NUSAP1: variants seen among roughly 807,000 people sequenced by gnomAD.
NUSAP1 encodes nucleolar and spindle-associated protein 1.
NUSAP1 carries 32 observed loss-of-function variants against 52.8 expected under a neutral mutation model. That is an observed-to-expected ratio of 0.61 (90% CI 0.46 to 0.81). The LOEUF (loss-of-function observed/expected upper bound fraction) is 0.81. Among genes scored for constraint, NUSAP1 ranks in the 40% least tolerant of loss-of-function variants. The pLI is 0.00. For missense variants in NUSAP1, 499 were observed against 522.3 expected, an observed-to-expected ratio of 0.96 and a Z score of 0.43; for synonymous variants, 195 against 183.1, an observed-to-expected ratio of 1.06 and a Z score of -0.52.
At chr15:41,373,700 G>A (rs552706465) in intron 8 of NUSAP1, among the ~76,000 whole-genome samples, 65 of 151,846 alleles carry the variant, frequency 4.3e-4, no homozygotes, top group African/African-American at 1.5e-3. Context: ...CGCTCACCTC[G>A]GCCTGCCAAA....
chr15:41,375,136 G>T (rs1032116367), intron 8 of NUSAP1, among the ~76,000 whole-genome samples: 2 of 149,546 alleles, frequency 1.3e-5, no homozygotes, highest in African/African-American at 4.9e-5. Context: ...CAGCCTACTC[G>T]GCATGGGACT....
At chr15:41,373,551 G>A (rs911829536) in intron 8 of NUSAP1, among the ~76,000 whole-genome samples, 13 of 145,528 alleles carry the variant, frequency 8.9e-5, no homozygotes, top group Non-Finnish European at 7.5e-5. Context: ...CTGGGTTCAC[G>A]CCATTCTCCT....
At chr15:41,360,840 G>A (rs574647622) in intron 6 of NUSAP1, among the ~76,000 whole-genome samples, 4 of 148,040 alleles carry the variant, frequency 2.7e-5, no homozygotes, top group African/African-American at 1.0e-4. Flanking sequence ...TGTCACTCAG[G>A]CTGGAGTGCA....
chr15:41,336,268 AAATAATAATAATAAT>A, intron 1 of NUSAP1, among the ~76,000 whole-genome samples: 1 of 148,686 alleles, frequency 6.7e-6, no homozygotes, highest in South Asian at 2.1e-4. Flanking sequence ...CTCCGTCTAA[AAATAATAATAATAAT>A]AATAATAATA....
chr15:41,377,792 C>CAGG (rs60576107), intron 10 of NUSAP1, among the ~76,000 whole-genome samples: 3,558 of 147,548 alleles, frequency 0.024, 333 homozygotes, highest in Admixed American at 0.16. Context: ...ATCACGAGGT[C>CAGG]AGATCGAGAC....
At chr15:41,355,940 A>G in intron 4 of NUSAP1, 99 bp from the exon 5 acceptor site, 1 of 677,952 alleles carries the variant, frequency 1.5e-6, no homozygotes, top group Non-Finnish European at 2.6e-6. Context: ...GGCCTCCCAA[A>G]GTGCTGGGAT....
intron 1 of NUSAP1, among the ~76,000 whole-genome samples, chr15:41,340,671 A>C (rs1356628360): frequency 2.0e-5 from 3 of 152,174 alleles, no homozygotes; most frequent in African/African-American, 4.8e-5. Context: ...TTTTGAAGGT[A>C]TATTAAGAGA....
At chr15:41,349,276 C>T in intron 3 of NUSAP1, 35 bp downstream of exon 3, 5 of 1,589,374 alleles carry the variant, frequency 3.1e-6, no homozygotes, top group Non-Finnish European at 4.3e-6. Flanking sequence ...AATAAACCAC[C>T]TATGCCAAAA....
intron 6 of NUSAP1, among the ~76,000 whole-genome samples, chr15:41,360,793 C>CTTTT (rs1180569684): frequency 2.7e-4 from 32 of 117,012 alleles, no homozygotes; most frequent in African/African-American, 5.1e-4. Context: ...GTTTATCCAT[C>CTTTT]TTTTTTTTTT....
chr15:41,378,666 A>AAGC (rs1414602571), intron 10 of NUSAP1, among the ~76,000 whole-genome samples: 2 of 152,102 alleles, frequency 1.3e-5, no homozygotes, highest in Admixed American at 6.6e-5. Context: ...GCTACTCGGG[A>AAGC]GGCTGAGGCA....
intron 8 of NUSAP1, among the ~76,000 whole-genome samples, chr15:41,374,826 C>T (rs1345938686): frequency 1.3e-5 from 2 of 151,176 alleles, no homozygotes; most frequent in African/African-American, 4.9e-5. Context: ...CACCCAGCTT[C>T]TTTTTTTTCT....
At chr15:41,336,465 CT>C (rs2048135727) in intron 1 of NUSAP1, among the ~76,000 whole-genome samples, 1 of 151,852 alleles carries the variant, frequency 6.6e-6, no homozygotes, top group Admixed American at 6.6e-5. Flanking sequence ...TTTCCACTTC[CT>C]TGCACCTCCC....
intron 8 of NUSAP1, among the ~76,000 whole-genome samples, chr15:41,374,367 A>G (rs1003482488): frequency 2.0e-5 from 3 of 152,154 alleles, no homozygotes; most frequent in Non-Finnish European, 4.4e-5. Context: ...CTCATGTGGC[A>G]GAAAGAGAGC....
At chr15:41,337,288 G>A (rs967350545) in intron 1 of NUSAP1, among the ~76,000 whole-genome samples, 6 of 152,028 alleles carry the variant, frequency 3.9e-5, no homozygotes, top group African/African-American at 1.4e-4. Flanking sequence ...CAAAGTGCTG[G>A]GATTACAGGC....
chr15:41,368,088 A>G (rs981981746), intron 7 of NUSAP1, among the ~76,000 whole-genome samples: 1 of 152,126 alleles, frequency 6.6e-6, no homozygotes, highest in Non-Finnish European at 1.5e-5. Flanking sequence ...TTAGCTGTTT[A>G]TTTGTTGCCT....
intron 4 of NUSAP1, among the ~76,000 whole-genome samples, chr15:41,351,481 T>C (rs935378900): frequency 3.3e-5 from 5 of 152,230 alleles, no homozygotes; most frequent in African/African-American, 4.8e-5. Flanking sequence ...AGCAGTCATA[T>C]TGGATTAGGA....
intron 8 of NUSAP1, among the ~76,000 whole-genome samples, chr15:41,373,578 T>C (rs1415424787): frequency 6.8e-6 from 1 of 147,800 alleles, no homozygotes; most frequent in Middle Eastern, 3.2e-3. Flanking sequence ...GCCTCCCGAG[T>C]AGCTGGGACT....
In NUSAP1 at chr15:41,358,269, A is replaced by G. The variant is rs1375328940; in HGVS notation, c.660+11A>G. On this transcript the variant is annotated intron_variant, in intron 6 of 10. Coordinates refer to ENST00000559596, the MANE Select transcript of NUSAP1 (RefSeq NM_016359.5). ...ATGAATGAACTGAAGGTATGTAGAT[A>G]AAATTATGTTCTTAATGGAACTAAA... 1.6e-6 allele frequency: 2 copies of G among 1,239,428 alleles called. No individual in the cohort carries two copies. Among genetic ancestry groups the G allele is most frequent in the Non-Finnish European group, 2.3e-6 (2 of 853,436 alleles). The allele number at this position is 1,239,428 out of a possible 1,614,324, so 76.8% of individuals were successfully genotyped here. A position where few individuals can be genotyped will look rare whatever the true frequency, so the allele number is the denominator to read the frequency against.
intron 8 of NUSAP1, among the ~76,000 whole-genome samples, chr15:41,373,358 G>T (rs1369496001): frequency 1.3e-5 from 2 of 151,654 alleles, no homozygotes. Flanking sequence ...ACTCCAGCCT[G>T]GGAGACAGAG....
Sources: gnomAD v4.1 joint callset for allele counts (sites outside exome capture counted in the v4.1 genomes callset) on GRCh38, gnomAD v4.1.1 for gene constraint, MANE v1.5 for transcripts, NCBI Gene and HGNC (gene_info 2026-07-23, HGNC 2026-07-21) for gene names.